Variants in GJA1 observed in about 807,000 individuals in gnomAD.
The protein encoded by GJA1 is gap junction protein alpha 1.
In GJA1, 9 loss-of-function variants were observed where a neutral mutation model predicts 31.0. The observed-to-expected ratio is 0.29, with a 90% CI of 0.17 to 0.51. The LOEUF is 0.51. Ranked by LOEUF, GJA1 falls within the 20% of genes least tolerant of loss-of-function variation. GJA1 has a pLI of 0.98. For missense variants in GJA1, 278 were observed against 468.8 expected, an observed-to-expected ratio of 0.59 and a Z score of 3.76; for synonymous variants, 186 against 180.1, an observed-to-expected ratio of 1.03 and a Z score of -0.26.
chr6:121,447,138 C>G lies in GJA1; in HGVS notation c.291C>G (p.Phe97Leu), dbSNP rs1367466175. The G allele has an allele frequency of 8.7e-6, 14 of 1,613,858 alleles. No homozygotes were observed. Among genetic ancestry groups the G allele is most frequent in the Non-Finnish European group, 1.2e-5 (14 of 1,179,862 alleles). The change falls in exon 2 of 2, where the codon TTC (phenylalanine) becomes TTG (leucine). Residue 97 changes from phenylalanine (F) to leucine (L), a missense_variant. By Grantham distance (22) the Phe-to-Leu change is conservative. This residue lies in a region of GJA1 where 80 missense variants were observed against 163.5 expected (regional missense o/e 0.49). Coordinates refer to ENST00000282561, the MANE Select transcript of GJA1 (RefSeq NM_000165.5). ...VPTLLYLAHV[F>L]YVMRKEEKLN... ...CACTCTTGTACCTGGCTCATGTGTT[C>G]TATGTGATGCGAAAGGAAGAGAAAC...
intron 1 of GJA1, among the ~76,000 whole-genome samples, chr6:121,438,066 G>A (rs1773698820): frequency 6.6e-6 from 1 of 152,110 alleles, no homozygotes; most frequent in South Asian, 2.1e-4. Flanking sequence ...TTACTTCTGG[G>A]TAGGCCGAAT....
Position 121,447,788 on chromosome 6 carries a change from G to A in GJA1, c.941G>A (p.Ser314Asn). Residue 314 changes from serine (S) to asparagine (N), a missense_variant, in exon 2 of 2, where the codon AGT (serine) becomes AAT (asparagine). Around this residue, in one of 3 missense-constraint regions of GJA1, gnomAD observed 172 missense variants for 190.9 expected, o/e 0.90. Transcript: ENST00000282561. ...AGTGAGCAAAACTGGGCTAATTACA[G>A]TGCAGAACAAAATCGAATGGGGCAG... ...QASEQNWANY[S>N]AEQNRMGQAG... 4 of 1,614,008 alleles carry A rather than the reference G, an allele frequency of 2.5e-6. No individual in the cohort carries two copies. Among genetic ancestry groups the A allele is most frequent in the Non-Finnish European group, 3.4e-6 (4 of 1,179,966 alleles).
chr6:121,445,965 T>C (rs561953345), intron 1 of GJA1, among the ~76,000 whole-genome samples: 4 of 152,070 alleles, frequency 2.6e-5, no homozygotes, highest in Admixed American at 6.5e-5. Context: ...GACAATAATA[T>C]AGGGTATGCA....
At chr6:121,435,867 T>C (rs1000725697) in intron 1 of GJA1, 35 bp downstream of exon 1, 49 of 152,292 alleles carry the variant, frequency 3.2e-4, no homozygotes, top group Non-Finnish European at 7.4e-5. Context: ...CGTTACCTAT[T>C]AGTTTCTTTT....
At chr6:121,437,360 T>C (rs1027055222) in intron 1 of GJA1, among the ~76,000 whole-genome samples, 2 of 139,426 alleles carry the variant, frequency 1.4e-5, no homozygotes, top group African/African-American at 2.6e-5. Context: ...AGCCCTTTTT[T>C]TTTTTCTTTT....
intron 1 of GJA1, among the ~76,000 whole-genome samples, chr6:121,446,021 C>A (rs900395324): frequency 6.6e-6 from 1 of 152,120 alleles, no homozygotes; most frequent in South Asian, 2.1e-4. Flanking sequence ...AGAGGCCAGG[C>A]GTGGTGGCTC....
At position 121,444,542 on chromosome 6, in the gene GJA1, T is replaced by C. The variant is rs550146936; in HGVS notation, c.-16-2290T>C. 2.0e-5 allele frequency among the ~76,000 whole-genome samples: 3 copies of C among 152,300 alleles called. No individual in the cohort carries two copies. In the East Asian group the frequency reaches 5.8e-4, roughly 29 times the overall value. Reference sequence around the variant, plus strand: ...TGTTCTCTATGGCCAGAAGATGCAGTCATTAGACAGAAATGTAATGTTGCT... The same window carrying C: ...TGTTCTCTATGGCCAGAAGATGCAGCCATTAGACAGAAATGTAATGTTGCT... On this transcript the variant is annotated intron_variant, in intron 1 of 1. Coordinates refer to ENST00000282561, the MANE Select transcript of GJA1 (RefSeq NM_000165.5).
In GJA1 at chr6:121,447,603, T is replaced by G; in HGVS notation, c.756T>G (p.Gly252=). Residue 252 remains glycine (G), a synonymous_variant, in exon 2 of 2, where the codon GGT becomes GGG. Coordinates refer to ENST00000282561, the MANE Select transcript of GJA1 (RefSeq NM_000165.5). The part of the protein sequence containing the change: ...GKSDPYHATS[G]ALSPAKDCGS... ...GCGACCCTTACCATGCGACCAGTGG[T>G]GCGCTGAGCCCTGCCAAAGACTGTG... The G allele has an allele frequency of 2.5e-6, 4 of 1,614,008 alleles. No individual in the cohort carries two copies. The highest frequency in any genetic ancestry group is 2.5e-6 in the Non-Finnish European group (3 of 1,179,988).
chr6:121,443,060 A>C (rs925485304), intron 1 of GJA1, among the ~76,000 whole-genome samples: 1 of 152,180 alleles, frequency 6.6e-6, no homozygotes, highest in African/African-American at 2.4e-5. Context: ...CTGGTGAATA[A>C]AAGTGCAGTT....
chr6:121,437,999 C>A (rs575652598), intron 1 of GJA1, among the ~76,000 whole-genome samples: 1 of 152,086 alleles, frequency 6.6e-6, no homozygotes, highest in Non-Finnish European at 1.5e-5. Context: ...CCCCTCCCCC[C>A]CGCGCCAGGA....
At chr6:121,446,806 T>C in intron 1 of GJA1, 26 bp from the exon 2 acceptor site, 1 of 1,435,272 alleles carries the variant, frequency 7.0e-7, no homozygotes, top group South Asian at 1.1e-5. Flanking sequence ...TCTGTGATCC[T>C]TGAATTGTCT....
chr6:121,443,337 G>T (rs978639855), intron 1 of GJA1, among the ~76,000 whole-genome samples: 3 of 152,234 alleles, frequency 2.0e-5, no homozygotes, highest in Admixed American at 6.5e-5. Context: ...TGATAGTGGA[G>T]ATCGACAGGT....
intron 1 of GJA1, among the ~76,000 whole-genome samples, chr6:121,436,346 A>ATGTTTC (rs1773663701): frequency 4.6e-5 from 7 of 152,200 alleles, no homozygotes. Flanking sequence ...ATAGCTTTGC[A>ATGTTTC]AAGCCAACTT....
At position 121,447,212 on chromosome 6, in the gene GJA1, A is replaced by T. The variant is rs769704488; in HGVS notation, c.365A>T (p.Asn122Ile). Reference protein sequence around the residue: ...ELKVAQTDGVNVDMHLKQIEI... With the variant: ...ELKVAQTDGVIVDMHLKQIEI... The stretch of plus-strand genomic sequence containing the variant: ...AAGGTTGCCCAAACTGATGGTGTCA[A>T]TGTGGACATGCACTTGAAGCAGATT... The change falls in exon 2 of 2, where the codon AAT becomes ATT. Residue 122 changes from asparagine (N) to isoleucine (I), a missense_variant. Around this residue, in one of 3 missense-constraint regions of GJA1, gnomAD observed 80 missense variants for 163.5 expected, o/e 0.49. Coordinates refer to ENST00000282561, the MANE Select transcript of GJA1 (RefSeq NM_000165.5). The T allele has an allele frequency of 2.5e-6, 4 of 1,613,978 alleles. No homozygotes were observed. In the East Asian group the frequency reaches 6.7e-5, roughly 27 times the overall value.
At chr6:121,440,568 TTTAA>T (rs1302987428) in intron 1 of GJA1, among the ~76,000 whole-genome samples, 1 of 152,076 alleles carries the variant, frequency 6.6e-6, no homozygotes. Flanking sequence ...AAGTTTCCTT[TTTAA>T]TTAATTTGAA....
Position 121,448,938 on chromosome 6 carries a change from A to G in GJA1, c.*942A>G, listed in dbSNP as rs1437525833. On this transcript the variant is annotated 3_prime_UTR_variant, in exon 2 of 2. Transcript: ENST00000282561. ...TGGTGTTCAAATTTGAACCTTTCTC[A>G]TGGATTTTTGTGGTGTGGGCCAATA... is the stretch of plus-strand genomic sequence containing the variant. 1 of 166,720 alleles carries G rather than the reference A, an allele frequency of 6.0e-6. No homozygotes were observed. The highest frequency in any genetic ancestry group is 2.4e-5 in the African/African-American group (1 of 41,434). 10.3% of individuals were successfully genotyped at this position (166,720 alleles called of 1,614,324 possible).
At chr6:121,444,753 TTTGC>T (rs1430970567) in intron 1 of GJA1, among the ~76,000 whole-genome samples, 1 of 152,262 alleles carries the variant, frequency 6.6e-6, no homozygotes, top group Non-Finnish European at 1.5e-5. Flanking sequence ...AAGTCTTAGC[TTTGC>T]TTGTTTTTAA....
intron 1 of GJA1, among the ~76,000 whole-genome samples, chr6:121,437,102 G>GCGC (rs945137383): frequency 2.0e-4 from 31 of 152,190 alleles, no homozygotes; most frequent in Admixed American, 2.0e-3. Context: ...GGCGCGGGGC[G>GCGC]CCTCCTGCCA....
At position 121,447,255 on chromosome 6, in the gene GJA1, G is replaced by GT. The variant is rs1483059061; in HGVS notation, c.409dup (p.Tyr137LeufsTer4). Reference sequence around the variant, plus strand: ...AGCAGATTGAGATAAAGAAGTTCAAGTACGGTATTGAAGAGCATGGTAAGG... The same window carrying GT: ...AGCAGATTGAGATAAAGAAGTTCAAGTTACGGTATTGAAGAGCATGGTAAGG... On this transcript the variant is annotated frameshift_variant, in exon 2 of 2. Transcript: ENST00000282561. LOFTEE classifies it high-confidence loss of function. The GT allele has an allele frequency of 6.2e-7, 1 of 1,614,182 alleles. No individual in the cohort carries two copies. The highest frequency in any genetic ancestry group is 8.5e-7 in the Non-Finnish European group (1 of 1,180,028).
Sources: gnomAD v4.1 joint callset for allele counts (sites outside exome capture counted in the v4.1 genomes callset) on GRCh38, gnomAD v4.1.1 for gene constraint, gnomAD v4.1.1 regional missense constraint, MANE v1.5 for transcripts, NCBI Gene and HGNC (gene_info 2026-07-23, HGNC 2026-07-21) for gene names.